CSRNP3: variants seen among roughly 807,000 people sequenced by gnomAD.
CSRNP3 encodes cysteine and serine rich nuclear protein 3.
Under a neutral mutation model 48.0 loss-of-function variants are expected in CSRNP3, and 12 were observed. The ratio of observed to expected loss-of-function variants is 0.25; its 90% CI spans 0.16 to 0.41. CSRNP3 has a LOEUF of 0.41. CSRNP3 is among the 10% of genes least tolerant of loss of function. The pLI is 1.00. For synonymous variants in CSRNP3, 263 were observed against 269.7 expected (o/e 0.98, Z 0.24); for missense variants, 580 against 724.4 (o/e 0.80, Z 2.29).
chr2:165,672,299 A>G (rs954107848), intron 5 of CSRNP3, among the ~76,000 whole-genome samples: 7 of 152,330 alleles, frequency 4.6e-5, no homozygotes, highest in African/African-American at 1.7e-4. Flanking sequence ...TGGCAAAGAC[A>G]TACCTGAGAC....
Position 165,686,005 on chromosome 2 carries a change from G to C in CSRNP3, c.*6252G>C, listed in dbSNP as rs2105372130. On this transcript the variant is annotated 3_prime_UTR_variant, in exon 7 of 7. Transcript: ENST00000651982. ...TATGGTAGAAATTAGCCTTGCCATT[G>C]TCTAAGTTAATTTATGTGACCTGAT... 6.6e-6 allele frequency: 1 copy of C among 152,162 alleles called. No individual in the cohort carries two copies. The highest frequency in any genetic ancestry group is 2.1e-4 in the South Asian group (1 of 4,824). The allele number at this position is 152,162 out of a possible 1,614,324, so 9.4% of individuals were successfully genotyped here.
chr2:165,595,297 C>G lies in CSRNP3; in HGVS notation c.148+84C>G, dbSNP rs111409501. ...GTCATTTTTATTTTTACCTTTCATG[C>G]TAGCTATATATATTTTCCCATCAAC... On this transcript the variant is annotated intron_variant, in intron 4 of 6. Coordinates refer to ENST00000651982, the MANE Select transcript of CSRNP3 (RefSeq NM_001172173.2). 3.2e-5 allele frequency: 41 copies of G among 1,289,822 alleles called. 1 individual carries two copies. Among genetic ancestry groups the G allele is most frequent in the Non-Finnish European group, 4.5e-5 (41 of 917,268 alleles). The allele number at this position is 1,289,822 out of a possible 1,614,324, so 79.9% of individuals were successfully genotyped here.
intron 3 of CSRNP3, among the ~76,000 whole-genome samples, chr2:165,584,159 G>A (rs1053927779): frequency 6.6e-6 from 1 of 152,102 alleles, no homozygotes; most frequent in African/African-American, 2.4e-5. Context: ...GAATGCTTTT[G>A]TTCTTAAGAT....
intron 2 of CSRNP3, among the ~76,000 whole-genome samples, chr2:165,509,623 G>C (rs1325599690): frequency 6.6e-6 from 1 of 152,158 alleles, no homozygotes; most frequent in Non-Finnish European, 1.5e-5. Context: ...TTCAAATAAT[G>C]TTAGAGTTTT....
At position 165,515,801 on chromosome 2, in the gene CSRNP3, CTTTTTTTTTTTTT is replaced by C. The variant is rs532831528; in HGVS notation, c.-112-2062_-112-2050del. Among the ~76,000 whole-genome samples the C allele has an allele frequency of 2.8e-5, 3 of 106,060 alleles. No homozygotes were observed. In the Middle Eastern group the frequency reaches 0.016, roughly 570 times the overall value. The allele number at this position is 106,060 out of a possible 152,430, so 69.6% of individuals were successfully genotyped here. The stretch of plus-strand genomic sequence containing the variant: ...TGCAAATATCTTTTTCTTTTCCTTT[CTTTTTTTTTTTTT>C]TTTTTTTTTGAGACAGGGTCTTGCT... On this transcript the variant is annotated intron_variant, in intron 2 of 6. Transcript: ENST00000651982.
intron 5 of CSRNP3, among the ~76,000 whole-genome samples, chr2:165,666,420 G>A (rs111162545): frequency 1.2e-4 from 3 of 25,904 alleles, no homozygotes; most frequent in African/African-American, 1.6e-4. Context: ...AAGAGAGAGA[G>A]GAAGAAAGAA....
At chr2:165,619,522 G>A (rs1007491030) in intron 4 of CSRNP3, among the ~76,000 whole-genome samples, 2 of 151,992 alleles carry the variant, frequency 1.3e-5, no homozygotes, top group African/African-American at 4.8e-5. Flanking sequence ...GCAAAGTCAA[G>A]AAAGTGGCAG....
intron 5 of CSRNP3, among the ~76,000 whole-genome samples, chr2:165,667,101 A>AGAAAGAGAGAGAGAGAG (rs1558968434): frequency 3.3e-5 from 1 of 30,458 alleles, no homozygotes; most frequent in African/African-American, 1.0e-4. Context: ...GAGAGAGAAA[A>AGAAAGAGAGAGAGAGAG]GGAAGGAAGG....
chr2:165,540,448 A>T (rs1472370933), intron 3 of CSRNP3, among the ~76,000 whole-genome samples: 1 of 152,074 alleles, frequency 6.6e-6, no homozygotes, highest in Admixed American at 6.6e-5. Context: ...CTTTAAAATT[A>T]TCTTAATTCT....
At chr2:165,490,034 T>C (rs1684181477) in intron 1 of CSRNP3, among the ~76,000 whole-genome samples, 1 of 151,956 alleles carries the variant, frequency 6.6e-6, no homozygotes, top group Admixed American at 6.6e-5. Context: ...GACATGATTG[T>C]TTATCTAGAA....
chr2:165,584,168 A>T (rs1685591254), intron 3 of CSRNP3, among the ~76,000 whole-genome samples: 1 of 152,150 alleles, frequency 6.6e-6, no homozygotes, highest in Non-Finnish European at 1.5e-5. Context: ...TGTTCTTAAG[A>T]TGTCAGGATA....
At chr2:165,643,068 A>G (rs1014182798) in intron 4 of CSRNP3, among the ~76,000 whole-genome samples, 25 of 152,190 alleles carry the variant, frequency 1.6e-4, no homozygotes, top group Non-Finnish European at 2.9e-4. Context: ...AAACTGCTAG[A>G]TGATGCACTA....
At chr2:165,647,845 C>T (rs1048661338) in intron 4 of CSRNP3, among the ~76,000 whole-genome samples, 1 of 152,088 alleles carries the variant, frequency 6.6e-6, no homozygotes, top group Non-Finnish European at 1.5e-5. Flanking sequence ...CATATGTAAG[C>T]TAGGCTAGGC....
chr2:165,657,689 A>G, intron 4 of CSRNP3, 72 bp from the exon 5 acceptor site: 1 of 1,562,082 alleles, frequency 6.4e-7, no homozygotes. Context: ...AAGATCACCA[A>G]ATGGCATTTT....
intron 3 of CSRNP3, among the ~76,000 whole-genome samples, chr2:165,549,510 T>TA (rs984576465): frequency 6.6e-6 from 1 of 152,120 alleles, no homozygotes; most frequent in African/African-American, 2.4e-5. Flanking sequence ...CTAAGTAACT[T>TA]ACCCAACCCT....
intron 3 of CSRNP3, among the ~76,000 whole-genome samples, chr2:165,547,326 C>T (rs1685043732): frequency 6.6e-6 from 1 of 152,140 alleles, no homozygotes; most frequent in Non-Finnish European, 1.5e-5. Context: ...AATTATCAGT[C>T]AAAAGGTTTG....
At chr2:165,580,330 T>C (rs1685523486) in intron 3 of CSRNP3, among the ~76,000 whole-genome samples, 1 of 152,160 alleles carries the variant, frequency 6.6e-6, no homozygotes, top group African/African-American at 2.4e-5. Flanking sequence ...AAAGTCCAGG[T>C]AATTTTACAC....
chr2:165,520,090 G>T (rs2105233908), intron 3 of CSRNP3, among the ~76,000 whole-genome samples: 1 of 152,266 alleles, frequency 6.6e-6, no homozygotes, highest in South Asian at 2.1e-4. Flanking sequence ...TTTTAGAAAT[G>T]ATGATACAGT....
At chr2:165,674,652 A>T (rs1275960947) in intron 5 of CSRNP3, among the ~76,000 whole-genome samples, 2 of 142,334 alleles carry the variant, frequency 1.4e-5, no homozygotes, top group Non-Finnish European at 3.0e-5. Context: ...ATACCTTATA[A>T]AGTATTCATA....
Sources: allele counts gnomAD v4.1 joint callset (sites outside exome capture counted in the v4.1 genomes callset), GRCh38; gene constraint gnomAD v4.1.1; transcripts MANE v1.5; gene names NCBI Gene and HGNC (gene_info 2026-07-23, HGNC 2026-07-21).